The following ATP8B4 variants were observed in gnomAD, a reference collection of about 807,000 sequenced individuals.
ATP8B4 encodes the protein ATPase phospholipid transporting 8B4 (putative), also known as probable phospholipid-transporting ATPase IM.
In ATP8B4, 133 loss-of-function variants were observed where a neutral mutation model predicts 145.6. The observed-to-expected ratio is 0.91, with a 90% confidence interval of 0.79 to 1.05. The LOEUF is 1.05. Among genes scored for constraint, ATP8B4 ranks in the 50% least tolerant of loss-of-function variants. The pLI, the probability that ATP8B4 is intolerant of heterozygous loss-of-function variation, is 0.00. For synonymous variants in ATP8B4, 507 were observed against 492.9 expected, an observed-to-expected ratio of 1.03 and a Z score of -0.38; for missense variants, 1,458 against 1,425.2, an observed-to-expected ratio of 1.02 and a Z score of -0.37.
At chr15:50,135,268 G>C (rs1477861526) in intron 1 of ATP8B4, among the ~76,000 whole-genome samples, 1 of 152,146 alleles carries the variant, frequency 6.6e-6, no homozygotes, top group Non-Finnish European at 1.5e-5. Flanking sequence ...AATTCAGCTT[G>C]TAGGTTGATA....
At chr15:49,863,270 C>T (rs563257321) in intron 26 of ATP8B4, among the ~76,000 whole-genome samples, 2 of 152,310 alleles carry the variant, frequency 1.3e-5, no homozygotes, top group South Asian at 4.1e-4. Context: ...AAAGAACATT[C>T]CCTCACCAGG....
At chr15:49,860,673 C>G (rs746423646) in intron 27 of ATP8B4, among the ~76,000 whole-genome samples, 198 bp from the exon 28 acceptor site, 2 of 152,120 alleles carry the variant, frequency 1.3e-5, no homozygotes, top group Non-Finnish European at 2.9e-5. Context: ...TTATCTCTAT[C>G]GAGACACTAT....
At chr15:49,949,483 G>A (rs904979716) in intron 14 of ATP8B4, among the ~76,000 whole-genome samples, 2 of 152,108 alleles carry the variant, frequency 1.3e-5, no homozygotes, top group African/African-American at 2.4e-5. Flanking sequence ...TATTGTTGGT[G>A]TAAAGGAATG....
At chr15:50,136,648 T>A (rs189928504) in intron 1 of ATP8B4, among the ~76,000 whole-genome samples, 114 of 152,376 alleles carry the variant, frequency 7.5e-4, no homozygotes, top group Non-Finnish European at 1.5e-3. Context: ...TTGGGGGGTT[T>A]ACCCTTTGTG....
chr15:50,061,391 T>C lies in ATP8B4; in HGVS notation c.87+12736A>G, dbSNP rs769808775. ...CAAAGATATTCTTATTTTTAAAAAA[T>C]GTACATCCCAAAGTACACAGGCATC... is the stretch of plus-strand genomic sequence containing the variant. On this transcript the variant is annotated intron_variant, in intron 3 of 27. Transcript: ENST00000284509. Among the ~76,000 whole-genome samples the C allele has an allele frequency of 6.6e-4, 100 of 152,128 alleles. 1 individual carries two copies. The highest frequency in any genetic ancestry group is 2.4e-4 in the Non-Finnish European group (16 of 68,022).
intron 1 of ATP8B4, among the ~76,000 whole-genome samples, chr15:50,118,437 A>AG (rs532383683): frequency 2.0e-4 from 30 of 152,350 alleles, no homozygotes; most frequent in East Asian, 1.3e-3. Context: ...GCTGAGTAAA[A>AG]GGGGATACTT....
chr15:49,960,033 GT>G (rs34520441), intron 14 of ATP8B4, among the ~76,000 whole-genome samples: 128 of 139,446 alleles, frequency 9.2e-4, no homozygotes, highest in African/African-American at 1.6e-3. Flanking sequence ...AATTTTTTTG[GT>G]TTTTTTTTTT....
At position 50,136,642 on chromosome 15, in the gene ATP8B4, G is replaced by A. The variant is rs375673804; in HGVS notation, c.-42-29634C>T. 5.5e-4 allele frequency among the ~76,000 whole-genome samples: 84 copies of A among 152,284 alleles called. No homozygotes were observed. In the South Asian group the frequency reaches 8.7e-3, roughly 16 times the overall value. On this transcript the variant is annotated intron_variant, in intron 1 of 3. Transcript: ENST00000558829. ...GAAAGTGAACAGATGTCCCATTTGGGGGGTTTACCCTTTGTGATGTGGTAC... is the reference window on the plus strand; with the variant it reads ...GAAAGTGAACAGATGTCCCATTTGGAGGGTTTACCCTTTGTGATGTGGTAC...
intron 5 of ATP8B4, among the ~76,000 whole-genome samples, chr15:50,041,210 G>T (rs1274579442): frequency 6.6e-6 from 1 of 152,106 alleles, no homozygotes; most frequent in Non-Finnish European, 1.5e-5. Flanking sequence ...CAGATAACAA[G>T]GAAAAACCAC....
At chr15:50,136,856 C>A (rs1248027427) in intron 1 of ATP8B4, among the ~76,000 whole-genome samples, 1 of 152,170 alleles carries the variant, frequency 6.6e-6, no homozygotes, top group Non-Finnish European at 1.5e-5. Flanking sequence ...AGTAATGGTA[C>A]TACCTCATTA....
intron 14 of ATP8B4, among the ~76,000 whole-genome samples, chr15:49,949,079 T>C (rs145714063): frequency 0.049 from 7,471 of 152,238 alleles, 256 homozygotes; most frequent in African/African-American, 0.09. Context: ...AGCCTGGTAG[T>C]ATAGTTTGAA....
At chr15:49,960,042 T>TTC (rs1411711014) in intron 14 of ATP8B4, among the ~76,000 whole-genome samples, 3 of 151,106 alleles carry the variant, frequency 2.0e-5, no homozygotes, top group African/African-American at 7.3e-5. Flanking sequence ...GGTTTTTTTT[T>TTC]TTTTTTGGAG....
chr15:50,081,038 G>A (rs1211723763), intron 2 of ATP8B4, among the ~76,000 whole-genome samples: 3 of 151,822 alleles, frequency 2.0e-5, no homozygotes, highest in African/African-American at 4.8e-5. Context: ...GCGAGAACCC[G>A]GGAGGCGGAG....
chr15:50,055,089 C>T (rs1028548540), intron 3 of ATP8B4, among the ~76,000 whole-genome samples: 12 of 152,174 alleles, frequency 7.9e-5, no homozygotes, highest in Non-Finnish European at 1.2e-4. Flanking sequence ...TTTCTCTTTT[C>T]TATTGCATTC....
upstream of ATP8B4, among the ~76,000 whole-genome samples, chr15:50,124,209 T>C (rs1012310487): frequency 2.0e-5 from 3 of 152,188 alleles, no homozygotes; most frequent in Non-Finnish European, 4.4e-5. Flanking sequence ...CACTTTCCAC[T>C]GTGTATTGGG....
At chr15:49,980,840 G>A (rs1043374152) in intron 11 of ATP8B4, among the ~76,000 whole-genome samples, 9 of 152,216 alleles carry the variant, frequency 5.9e-5, no homozygotes, top group African/African-American at 1.4e-4. Context: ...ACACACCCGT[G>A]AAGCCAGCCC....
At chr15:50,006,489 C>CAAAAAAAAAAAA (rs750033683) in intron 7 of ATP8B4, among the ~76,000 whole-genome samples, 1 of 47,856 alleles carries the variant, frequency 2.1e-5, no homozygotes, top group Non-Finnish European at 4.5e-5. Flanking sequence ...ATGAGACCAC[C>CAAAAAAAAAAAA]AAAAAAAAAA....
chr15:50,105,562 G>A (rs2056634001), intron 2 of ATP8B4, among the ~76,000 whole-genome samples: 1 of 151,972 alleles, frequency 6.6e-6, no homozygotes, highest in Non-Finnish European at 1.5e-5. Flanking sequence ...TAATGTACAG[G>A]ATAATTCCAT....
chr15:50,166,304 C>G (rs1020556642), intron 1 of ATP8B4, among the ~76,000 whole-genome samples: 3 of 152,152 alleles, frequency 2.0e-5, no homozygotes, highest in Non-Finnish European at 4.4e-5. Context: ...AAAATGTCAT[C>G]AGACAAAAAT....
Sources: gnomAD v4.1 joint callset for allele counts (sites outside exome capture counted in the v4.1 genomes callset) on GRCh38, gnomAD v4.1.1 for gene constraint, MANE v1.5 for transcripts, NCBI Gene and HGNC (gene_info 2026-07-23, HGNC 2026-07-21) for gene names.